Variants in DIRAS2 observed in about 807,000 individuals in gnomAD.
DIRAS2 encodes the protein DIRAS family GTPase 2.
DIRAS2 carries 5 observed loss-of-function variants against 13.9 expected under a neutral mutation model. That is an observed-to-expected ratio of 0.36 (90% CI 0.19 to 0.76). The LOEUF (loss-of-function observed/expected upper bound fraction) is 0.76. DIRAS2 is among the 30% of genes least tolerant of loss of function. The pLI, the probability that DIRAS2 is intolerant of heterozygous loss-of-function variation, is 0.53. For synonymous variants in DIRAS2, 111 were observed against 105.4 expected (o/e 1.05, Z -0.33); for missense variants, 191 against 263.0 (o/e 0.73, Z 1.89).
chr9:90,626,416 G>A (rs749825077), intron 1 of DIRAS2, among the ~76,000 whole-genome samples: 1 of 149,356 alleles, frequency 6.7e-6, no homozygotes, highest in Non-Finnish European at 1.5e-5. Context: ...GTCCAGCCTG[G>A]GCACCATAGC....
intron 1 of DIRAS2, among the ~76,000 whole-genome samples, chr9:90,618,473 T>C (rs1464979839): frequency 1.3e-5 from 2 of 152,146 alleles, no homozygotes; most frequent in South Asian, 2.1e-4. Context: ...GAAGAAAACA[T>C]AGGTATAAAC....
intron 1 of DIRAS2, among the ~76,000 whole-genome samples, chr9:90,640,271 C>T (rs1825407250): frequency 6.6e-6 from 1 of 152,156 alleles, no homozygotes; most frequent in Non-Finnish European, 1.5e-5. Flanking sequence ...ATTTAGGAGA[C>T]AGCTATAAGG....
chr9:90,613,423 C>A lies in DIRAS2; in HGVS notation c.405G>T (p.Glu135Asp). 3 of 1,614,158 alleles carry A rather than the reference C, an allele frequency of 1.9e-6. No homozygotes were observed. Among genetic ancestry groups the A allele is most frequent in the Non-Finnish European group, 2.5e-6 (3 of 1,180,032 alleles). ...ESPSREVQSS[E>D]AEALARTWKC... is the part of the protein sequence containing the mutation. Reference sequence around the variant, plus strand: ...TCCATGTGCGGGCCAAGGCCTCCGCCTCGCTGCTCTGCACCTCGCGGCTGG... The same window carrying A: ...TCCATGTGCGGGCCAAGGCCTCCGCATCGCTGCTCTGCACCTCGCGGCTGG... The change falls in exon 2 of 2, where the codon GAG becomes GAT. Residue 135 changes from glutamate to aspartate, a missense_variant. Transcript: ENST00000375765. The surrounding 1 kb of genome is among the most constrained non-coding windows in gnomAD (Gnocchi z 5.6).
At chr9:90,627,781 C>T (rs576053753) in intron 1 of DIRAS2, among the ~76,000 whole-genome samples, 8 of 152,168 alleles carry the variant, frequency 5.3e-5, no homozygotes, top group African/African-American at 1.4e-4. Flanking sequence ...ATGTCCATAA[C>T]GAACGTAATT....
At chr9:90,626,986 G>A (rs1315848299) in intron 1 of DIRAS2, among the ~76,000 whole-genome samples, 1 of 152,178 alleles carries the variant, frequency 6.6e-6, no homozygotes, top group South Asian at 2.1e-4. Flanking sequence ...GGGCCCGGTG[G>A]GAGGTGTTTG....
chr9:90,616,736 CAAAAAAAA>C (rs11422558), intron 1 of DIRAS2, among the ~76,000 whole-genome samples: 9 of 88,482 alleles, frequency 1.0e-4, no homozygotes, highest in Admixed American at 4.3e-4. Flanking sequence ...GACTCCATCA[CAAAAAAAA>C]AAAAAAAAAA....
chr9:90,638,782 C>G (rs1293542638), intron 1 of DIRAS2, among the ~76,000 whole-genome samples: 1 of 152,004 alleles, frequency 6.6e-6, no homozygotes, highest in African/African-American at 2.4e-5. Flanking sequence ...TGGACTCCAC[C>G]TGGATTTGCC....
intron 1 of DIRAS2, among the ~76,000 whole-genome samples, chr9:90,616,654 T>C (rs1187795204): frequency 2.0e-5 from 3 of 148,798 alleles, no homozygotes; most frequent in African/African-American, 7.5e-5. Flanking sequence ...AGAGAATCAC[T>C]TGAACCTGGG....
At chr9:90,622,112 C>A (rs966908120) in intron 1 of DIRAS2, among the ~76,000 whole-genome samples, 3 of 151,962 alleles carry the variant, frequency 2.0e-5, no homozygotes, top group Non-Finnish European at 2.9e-5. Flanking sequence ...GTAAGCTAGG[C>A]GTGATAGCAC....
intron 1 of DIRAS2, among the ~76,000 whole-genome samples, chr9:90,624,405 G>T (rs540225336): frequency 1.3e-5 from 2 of 152,228 alleles, no homozygotes; most frequent in African/African-American, 4.8e-5. Flanking sequence ...ATCTTGTATT[G>T]TAGTGTTGTA....
intron 1 of DIRAS2, among the ~76,000 whole-genome samples, chr9:90,627,839 A>G (rs1439532231): frequency 1.3e-5 from 2 of 152,110 alleles, no homozygotes; most frequent in Non-Finnish European, 2.9e-5. Context: ...TCCACACTAT[A>G]CAGTAAAAAC....
At chr9:90,637,294 T>C (rs1825380150) in intron 1 of DIRAS2, among the ~76,000 whole-genome samples, 1 of 152,236 alleles carries the variant, frequency 6.6e-6, no homozygotes. Context: ...AAGACTCTGC[T>C]GAGGGATAAG....
At chr9:90,615,069 A>G (rs918894022) in intron 1 of DIRAS2, among the ~76,000 whole-genome samples, 3 of 152,264 alleles carry the variant, frequency 2.0e-5, no homozygotes, top group African/African-American at 7.2e-5. Context: ...GCAAGCAGGC[A>G]TTGTGCTGAC....
chr9:90,627,254 C>T (rs4553032), intron 1 of DIRAS2, among the ~76,000 whole-genome samples: 67,925 of 152,034 alleles, frequency 0.45, 15,302 homozygotes, highest in Middle Eastern at 0.58. Context: ...CATGAGCCAA[C>T]TAAGCCTCTT....
chr9:90,640,235 A>T (rs1331503), intron 1 of DIRAS2, among the ~76,000 whole-genome samples: 90,622 of 152,036 alleles, frequency 0.6, 27,539 homozygotes, highest in South Asian at 0.69. Flanking sequence ...TGTACAGTAC[A>T]GATTTATAAG....
At chr9:90,614,158 G>A (rs1027901802) in intron 1 of DIRAS2, among the ~76,000 whole-genome samples, 1 of 152,120 alleles carries the variant, frequency 6.6e-6, no homozygotes, top group Admixed American at 6.5e-5. Flanking sequence ...CCGAGAGACA[G>A]CACCAAGGAA....
At chr9:90,620,277 A>G (rs976469507) in intron 1 of DIRAS2, among the ~76,000 whole-genome samples, 5 of 152,230 alleles carry the variant, frequency 3.3e-5, no homozygotes, top group African/African-American at 4.8e-5. Flanking sequence ...TGATTCACAC[A>G]TATAGAGCAT....
At chr9:90,635,571 C>T (rs1239091720) in intron 1 of DIRAS2, among the ~76,000 whole-genome samples, 6 of 152,194 alleles carry the variant, frequency 3.9e-5, no homozygotes, top group African/African-American at 1.4e-4. Context: ...AACTACACCA[C>T]GAGGTCAAGA....
chr9:90,626,311 A>T (rs1825268350), intron 1 of DIRAS2: 1 of 152,726 alleles, frequency 6.5e-6, no homozygotes, highest in East Asian at 1.9e-4. Flanking sequence ...AGCCAACTAA[A>T]AAACCAACAA....
Sources: allele counts gnomAD v4.1 joint callset (sites outside exome capture counted in the v4.1 genomes callset), GRCh38; gene constraint gnomAD v4.1.1; non-coding constraint Gnocchi (gnomAD v3.1); transcripts MANE v1.5; gene names NCBI Gene and HGNC (gene_info 2026-07-23, HGNC 2026-07-21).